Variants in CACNA1B observed in about 807,000 individuals in gnomAD.
CACNA1B encodes calcium voltage-gated channel subunit alpha1 B, also known as voltage-dependent N-type calcium channel subunit alpha-1B.
A neutral mutation model predicts 247.2 loss-of-function variants in CACNA1B; 70 were observed. The ratio of observed to expected loss-of-function variants is 0.28; its 90% CI spans 0.23 to 0.35. The LOEUF is 0.35. Among genes scored for constraint, CACNA1B ranks in the 10% least tolerant of loss-of-function variants. The probability of loss-of-function intolerance (pLI) is 1.00; values close to 1 mark genes in which losing one functional copy is unlikely to be tolerated. For synonymous variants in CACNA1B, 1,231 were observed against 1,294.4 expected, an observed-to-expected ratio of 0.95 and a Z score of 1.05; for missense variants, 2,367 against 3,197.4, an observed-to-expected ratio of 0.74 and a Z score of 6.26.
chr9:137,946,129 T>C (rs1815290154), intron 6 of CACNA1B, among the ~76,000 whole-genome samples: 1 of 152,172 alleles, frequency 6.6e-6, no homozygotes, highest in Non-Finnish European at 1.5e-5. Context: ...CATATCCCTC[T>C]TTTAAAACAA....
At chr9:137,948,733 AGT>A (rs944334944) in intron 6 of CACNA1B, among the ~76,000 whole-genome samples, 46 of 115,320 alleles carry the variant, frequency 4.0e-4, no homozygotes, top group Admixed American at 3.0e-3. Context: ...TGGTGTGTGT[AGT>A]GTGTGTGGTG....
chr9:138,112,267 G>A (rs1360028701), intron 39 of CACNA1B, 131 bp from the exon 40 acceptor site: 2 of 665,400 alleles, frequency 3.0e-6, no homozygotes, highest in East Asian at 2.8e-5. Context: ...CCTCCTTCCA[G>A]CACCGTCTGT....
intron 6 of CACNA1B, among the ~76,000 whole-genome samples, chr9:137,928,102 TTTG>T (rs957027667): frequency 2.2e-4 from 33 of 152,264 alleles, no homozygotes; most frequent in African/African-American, 2.4e-4. Context: ...CTTGTCTTTT[TTTG>T]TTGTTGTTGT....
intron 43 of CACNA1B, 42 bp from the exon 44 acceptor site, chr9:138,118,610 G>T: frequency 1.0e-6 from 1 of 987,498 alleles, no homozygotes; most frequent in Non-Finnish European, 1.6e-6. Flanking sequence ...ATGAGTCCGC[G>T]GTGCCTTGTG....
chr9:137,886,416 T>C (rs1194192228), intron 3 of CACNA1B, among the ~76,000 whole-genome samples: 1 of 152,138 alleles, frequency 6.6e-6, no homozygotes, highest in Non-Finnish European at 1.5e-5. Context: ...CCATCCACCA[T>C]CCTGCCCTCT....
intron 6 of CACNA1B, among the ~76,000 whole-genome samples, chr9:137,923,000 C>A (rs1957504717): frequency 1.3e-5 from 2 of 152,222 alleles, no homozygotes; most frequent in South Asian, 4.1e-4. Context: ...ATAATTTAGT[C>A]ATTTTGAGAA....
chr9:138,114,393 TG>T lies in CACNA1B; in HGVS notation c.5556del (p.Lys1853ArgfsTer6). The T allele has an allele frequency of 6.4e-7, 1 of 1,566,764 alleles. No homozygotes were observed. The highest frequency in any genetic ancestry group is 8.7e-7 in the Non-Finnish European group (1 of 1,144,812). On this transcript the variant is annotated frameshift_variant, in exon 41 of 47. Transcript: ENST00000371372. LOFTEE classifies it high-confidence loss of function. ...VPPHKPDEMT[V>X]GKVYAALMIF... is the part of the protein sequence containing the mutation. Reference sequence around the variant, plus strand: ...TCTTTTCCAGCTGATGAGATGACAGTGGGGAAGGTTTATGCAGCTCTGATGA... The same window carrying T: ...TCTTTTCCAGCTGATGAGATGACAGTGGGAAGGTTTATGCAGCTCTGATGA...
Position 138,010,100 on chromosome 9 carries a change from C to T in CACNA1B, c.2160+23C>T, listed in dbSNP as rs201352917. 1.4e-5 allele frequency: 23 copies of T among 1,594,222 alleles called. No homozygotes were observed. Among genetic ancestry groups the T allele is most frequent in the Admixed American group, 1.2e-4 (7 of 59,948 alleles). On this transcript the variant is annotated intron_variant, in intron 17 of 46. Coordinates refer to ENST00000371372, the MANE Select transcript of CACNA1B (RefSeq NM_000718.4). The surrounding 1 kb of genome is among the most constrained non-coding windows in gnomAD (Gnocchi z 5.3). ...AAGGTAGGTGGCGACAGGGAGGGAC[C>T]GGTGTCAGCCCATGTCACTTGAATG...
At chr9:138,104,279 G>A (rs950641182) in intron 38 of CACNA1B, among the ~76,000 whole-genome samples, 4 of 152,226 alleles carry the variant, frequency 2.6e-5, no homozygotes, top group African/African-American at 9.6e-5. Context: ...CCTGGAGTGG[G>A]CTGATGGCAC....
intron 6 of CACNA1B, among the ~76,000 whole-genome samples, chr9:137,932,967 C>G (rs541935094): frequency 6.6e-6 from 1 of 152,130 alleles, no homozygotes; most frequent in Non-Finnish European, 1.5e-5. Flanking sequence ...GAGTCTCTCT[C>G]TGTCGCCTAG....
chr9:138,019,983 G>A (rs1958823075), intron 18 of CACNA1B, among the ~76,000 whole-genome samples: 1 of 151,604 alleles, frequency 6.6e-6, no homozygotes, highest in Non-Finnish European at 1.5e-5. Context: ...TGTAGTCCCA[G>A]CTACTCGGTA....
At chr9:138,008,742 G>A (rs542495555) in intron 16 of CACNA1B, among the ~76,000 whole-genome samples, 7 of 152,362 alleles carry the variant, frequency 4.6e-5, no homozygotes, top group African/African-American at 1.7e-4. Flanking sequence ...TGGAGTGCAA[G>A]GTTCTAACGG....
chr9:138,015,165 G>C (rs965090608), intron 18 of CACNA1B, among the ~76,000 whole-genome samples: 171 of 152,276 alleles, frequency 1.1e-3, no homozygotes, highest in African/African-American at 3.9e-3. Flanking sequence ...CACGTGGCAA[G>C]GGGCAGCCGG....
chr9:138,071,846 C>G (rs1960144271), intron 32 of CACNA1B, among the ~76,000 whole-genome samples: 1 of 152,074 alleles, frequency 6.6e-6, no homozygotes, highest in Non-Finnish European at 1.5e-5. Context: ...TTGCCCCAGT[C>G]CCTGCCCCTC....
At chr9:138,065,699 G>A (rs1413135806) in intron 31 of CACNA1B, among the ~76,000 whole-genome samples, 1 of 152,200 alleles carries the variant, frequency 6.6e-6, no homozygotes, top group Admixed American at 6.5e-5. Context: ...TATGCTTGGA[G>A]TTGCTAATTG....
At position 137,971,465 on chromosome 9, in the gene CACNA1B, GT is replaced by G; in HGVS notation, c.1422del (p.Phe474LeufsTer6). ...YFRRKEKMFR[F>X]FIRRMVKAQS... is the part of the protein sequence containing the mutation. Reference sequence around the variant, plus strand: ...TCCGGAGGAAGGAGAAGATGTTCCGGTTTTTTATCCGGCGCATGGTGAAGGC... The same window carrying G: ...TCCGGAGGAAGGAGAAGATGTTCCGGTTTTTATCCGGCGCATGGTGAAGGC... On this transcript the variant is annotated frameshift_variant, in exon 11 of 47. Coordinates refer to ENST00000371372, the MANE Select transcript of CACNA1B (RefSeq NM_000718.4). LOFTEE classifies it high-confidence loss of function. The surrounding 1 kb of genome is among the most constrained non-coding windows in gnomAD (Gnocchi z 4.4). 6.2e-7 allele frequency: 1 copy of G among 1,613,674 alleles called. No homozygotes were observed. Among genetic ancestry groups the G allele is most frequent in the Non-Finnish European group, 8.5e-7 (1 of 1,179,746 alleles).
intron 35 of CACNA1B, among the ~76,000 whole-genome samples, chr9:138,076,838 G>A (rs1251388485): frequency 3.3e-5 from 5 of 152,182 alleles, no homozygotes; most frequent in African/African-American, 7.2e-5. Flanking sequence ...GCGCTGGGGC[G>A]AGCTCAGACC....
Position 137,971,688 on chromosome 9 carries a change from C to T in CACNA1B, c.1543+96C>T, listed in dbSNP as rs533743859. The T allele has an allele frequency of 3.9e-5, 39 of 1,010,582 alleles. No homozygotes were observed. Among genetic ancestry groups the T allele is most frequent in the African/African-American group, 1.4e-4 (9 of 63,006 alleles). The allele number at this position is 1,010,582 out of a possible 1,614,324, so 62.6% of individuals were successfully genotyped here. A position where few individuals can be genotyped will look rare whatever the true frequency, so the allele number is the denominator to read the frequency against. On this transcript the variant is annotated intron_variant, in intron 11 of 46. Coordinates refer to ENST00000371372, the MANE Select transcript of CACNA1B (RefSeq NM_000718.4). The surrounding 1 kb of genome is among the most constrained non-coding windows in gnomAD (Gnocchi z 4.4). ...TGCCCTGGGGCTACCCCAGGTGGGA[C>T]GGGACCCACCCCCATGTTGCTCAAA...
At chr9:138,035,438 C>T (rs1003906155) in intron 20 of CACNA1B, among the ~76,000 whole-genome samples, 18 of 152,100 alleles carry the variant, frequency 1.2e-4, no homozygotes, top group Non-Finnish European at 2.5e-4. Flanking sequence ...TGCACTTCAG[C>T]CTGGGCAACA....
Sources: gnomAD v4.1 joint callset for allele counts (sites outside exome capture counted in the v4.1 genomes callset) on GRCh38, gnomAD v4.1.1 for gene constraint, Gnocchi (gnomAD v3.1) non-coding constraint, MANE v1.5 for transcripts, NCBI Gene and HGNC (gene_info 2026-07-23, HGNC 2026-07-21) for gene names.